The following AKNA variants were observed in gnomAD, a reference collection of about 807,000 sequenced individuals.
The protein encoded by AKNA is microtubule organization protein AKNA.
In AKNA, 67 loss-of-function variants were observed where a neutral mutation model predicts 138.8. The observed-to-expected ratio is 0.48, with a 90% CI of 0.40 to 0.59. The LOEUF (loss-of-function observed/expected upper bound fraction) is 0.59, where lower values mean the gene tolerates loss of function less well. AKNA is among the 20% of genes least tolerant of loss of function. The pLI is 0.00. For synonymous variants in AKNA, 737 were observed against 754.4 expected (o/e 0.98, Z 0.38); for missense variants, 1,813 against 1,880.4 (o/e 0.96, Z 0.66).
chr9:114,366,810 A>G (rs964645973), intron 6 of AKNA, among the ~76,000 whole-genome samples: 3 of 152,084 alleles, frequency 2.0e-5, no homozygotes, highest in African/African-American at 7.2e-5. Flanking sequence ...TTTTATGGGC[A>G]TGGTAGTGCA....
intron 2 of AKNA, among the ~76,000 whole-genome samples, chr9:114,378,732 T>C (rs1476894905): frequency 2.6e-5 from 4 of 152,182 alleles, no homozygotes; most frequent in Non-Finnish European, 5.9e-5. Context: ...TCCATCCATC[T>C]ACCCACCCAT....
In AKNA at chr9:114,374,181, G is replaced by A. The variant is rs1385161435; in HGVS notation, c.1342-14C>T. On this transcript the variant is annotated splice_polypyrimidine_tract_variant and intron_variant, in intron 3 of 21. Coordinates refer to ENST00000374088, the MANE Select transcript of AKNA (RefSeq NM_001317950.2). ...GTGGTAGTCTTCCTGCAGAAAGCGG[G>A]AGCAACACGGTCACATGCGCAGGCA... The A allele has an allele frequency of 1.9e-6, 3 of 1,553,486 alleles. No individual in the cohort carries two copies. The highest frequency in any genetic ancestry group is 4.9e-5 in the East Asian group (2 of 41,096).
intron 15 of AKNA, among the ~76,000 whole-genome samples, chr9:114,350,028 A>C (rs1361685050): frequency 6.6e-6 from 1 of 152,210 alleles, no homozygotes; most frequent in African/African-American, 2.4e-5. Context: ...AATGGAGGGC[A>C]CTACTGCCTG....
At chr9:114,382,724 C>A (rs1010726158) in intron 1 of AKNA, among the ~76,000 whole-genome samples, 1 of 151,984 alleles carries the variant, frequency 6.6e-6, no homozygotes. Flanking sequence ...GTGAAAGATG[C>A]GACAAAGGTC....
At chr9:114,363,795 G>A (rs1202920616) in intron 7 of AKNA, among the ~76,000 whole-genome samples, 16 of 152,026 alleles carry the variant, frequency 1.1e-4, no homozygotes, top group Non-Finnish European at 1.6e-4. Context: ...GCTACTACCC[G>A]GGGATTCCTC....
upstream of AKNA, chr9:114,388,215 C>A (rs755501994): frequency 4.8e-6 from 1 of 207,172 alleles, no homozygotes; most frequent in African/African-American, 2.3e-5. Context: ...AAACTCCTGA[C>A]GTCCTGGGCT....
intron 11 of AKNA, among the ~76,000 whole-genome samples, chr9:114,358,824 G>GTTC (rs1831699178): frequency 7.1e-6 from 1 of 140,202 alleles, no homozygotes; most frequent in Non-Finnish European, 1.5e-5. Context: ...CACACCGGGG[G>GTTC]CTGTTGTGGG....
intron 1 of AKNA, among the ~76,000 whole-genome samples, chr9:114,387,283 G>A (rs1022040371): frequency 6.6e-6 from 1 of 152,138 alleles, no homozygotes; most frequent in Non-Finnish European, 1.5e-5. Flanking sequence ...CCCTCTCTGT[G>A]TCCTCCCTGC....
At chr9:114,352,688 C>A (rs532254180) in intron 14 of AKNA, among the ~76,000 whole-genome samples, 1 of 149,832 alleles carries the variant, frequency 6.7e-6, no homozygotes, top group South Asian at 2.2e-4. Context: ...TTTGGGAGGC[C>A]GAGGCGGGCG....
At chr9:114,344,238 GC>G (rs1830536621) in intron 18 of AKNA, 3 of 185,232 alleles carry the variant, frequency 1.6e-5, no homozygotes, top group Admixed American at 1.6e-4. Flanking sequence ...AATGGCTCGG[GC>G]ACAGGGTCAG....
chr9:114,364,408 T>C (rs1157943900), intron 7 of AKNA, 152 bp downstream of exon 7: 4 of 757,784 alleles, frequency 5.3e-6, no homozygotes, highest in East Asian at 2.5e-5. Flanking sequence ...ATCGTTATCA[T>C]GGGAAGCTAC....
At chr9:114,390,928 A>G (rs1834310942), upstream of AKNA, among the ~76,000 whole-genome samples, 1 of 152,240 alleles carries the variant, frequency 6.6e-6, no homozygotes, top group East Asian at 1.9e-4. Context: ...TTTGATTAAC[A>G]TCTGTCTCTT....
chr9:114,395,836 A>G (rs1410821866), upstream of AKNA, among the ~76,000 whole-genome samples: 4 of 152,022 alleles, frequency 2.6e-5, no homozygotes, highest in East Asian at 5.8e-4. Context: ...TGGCCATGCC[A>G]ATTTCAAGCT....
At chr9:114,343,181 T>C (rs1830471779) in intron 19 of AKNA, among the ~76,000 whole-genome samples, 2 of 152,204 alleles carry the variant, frequency 1.3e-5, no homozygotes, top group South Asian at 4.1e-4. Flanking sequence ...AAATGGCAGC[T>C]CATTATCATC....
At chr9:114,338,953 A>C (rs1331105701) in intron 21 of AKNA, among the ~76,000 whole-genome samples, 1 of 152,146 alleles carries the variant, frequency 6.6e-6, no homozygotes, top group Non-Finnish European at 1.5e-5. Flanking sequence ...AAATAATCTG[A>C]ACTGTATGAA....
chr9:114,366,775 ATGG>A (rs1021441164), intron 6 of AKNA, among the ~76,000 whole-genome samples: 1 of 151,912 alleles, frequency 6.6e-6, no homozygotes. Flanking sequence ...GAAGAATAAA[ATGG>A]TGGTGCTTCT....
At chr9:114,339,189 A>G (rs765010989) in intron 21 of AKNA, among the ~76,000 whole-genome samples, 3 of 152,162 alleles carry the variant, frequency 2.0e-5, no homozygotes, top group Non-Finnish European at 4.4e-5. Context: ...TTGGCCTGAA[A>G]GTTACCCAAA....
At chr9:114,353,733 C>T (rs1194371664) in intron 14 of AKNA, among the ~76,000 whole-genome samples, 1 of 152,188 alleles carries the variant, frequency 6.6e-6, no homozygotes, top group Non-Finnish European at 1.5e-5. Context: ...ACCTCTACAA[C>T]ATTGCCTGCT....
At chr9:114,330,638 C>T (rs1026748997), downstream of AKNA, 7 of 1,600,354 alleles carry the variant, frequency 4.4e-6, no homozygotes, top group African/African-American at 8.2e-5. Context: ...CTGAGCAAGT[C>T]CCTCCTTCTT....
Sources: gnomAD v4.1 joint callset for allele counts (sites outside exome capture counted in the v4.1 genomes callset) on GRCh38, gnomAD v4.1.1 for gene constraint, MANE v1.5 for transcripts, NCBI Gene and HGNC (gene_info 2026-07-23, HGNC 2026-07-21) for gene names.